Variants in PTBP2 observed in about 807,000 individuals in gnomAD.
The protein encoded by PTBP2 is polypyrimidine tract binding protein 2.
PTBP2 carries 13 observed loss-of-function variants against 61.4 expected under a neutral mutation model. That is an observed-to-expected ratio of 0.21 (90% CI 0.14 to 0.34). The LOEUF (loss-of-function observed/expected upper bound fraction) is 0.34. Among genes scored for constraint, PTBP2 ranks in the 10% least tolerant of loss-of-function variants. The probability of loss-of-function intolerance (pLI) is 1.00; values close to 1 mark genes in which losing one functional copy is unlikely to be tolerated. For missense variants in PTBP2, 405 were observed against 642.6 expected (o/e 0.63, Z 4.00); for synonymous variants, 215 against 218.5 (o/e 0.98, Z 0.14).
intron 2 of PTBP2, among the ~76,000 whole-genome samples, chr1:96,750,599 C>T (rs985411387): frequency 1.3e-5 from 2 of 151,768 alleles, no homozygotes; most frequent in Non-Finnish European, 2.9e-5. Flanking sequence ...TTCATTGCCT[C>T]CTTTGCACAT....
At chr1:96,753,293 A>T (rs183632746) in intron 3 of PTBP2, among the ~76,000 whole-genome samples, 2 of 152,082 alleles carry the variant, frequency 1.3e-5, no homozygotes, top group African/African-American at 4.8e-5. Flanking sequence ...GGGTACTTCA[A>T]ACACTCCATT....
At chr1:96,796,613 G>T (rs1298643625) in intron 8 of PTBP2, among the ~76,000 whole-genome samples, 1 of 152,090 alleles carries the variant, frequency 6.6e-6, no homozygotes, top group Non-Finnish European at 1.5e-5. Context: ...GCATTTGTGG[G>T]GTGTGTGTGT....
rs373690845 is a variant in PTBP2, at chr1:96,795,288, G to A, written c.905-9512G>A. Among the ~76,000 whole-genome samples the A allele has an allele frequency of 7.9e-5, 12 of 152,230 alleles. No individual in the cohort carries two copies. The East Asian group carries it at 1.9e-3, about 25-fold the overall frequency. On this transcript the variant is annotated intron_variant, in intron 8 of 13. Coordinates refer to ENST00000674951, the MANE Select transcript of PTBP2 (RefSeq NM_021190.4). Reference sequence around the variant, plus strand: ...GTAATTATAAATCTAAGCTAGGAACGTAAAATGAGAATGCAAAGTAAGAAA... The same window carrying A: ...GTAATTATAAATCTAAGCTAGGAACATAAAATGAGAATGCAAAGTAAGAAA...
intron 2 of PTBP2, among the ~76,000 whole-genome samples, chr1:96,744,897 T>G (rs1371330965): frequency 1.3e-5 from 2 of 152,182 alleles, no homozygotes; most frequent in East Asian, 3.9e-4. Context: ...ACGTTCTGAT[T>G]GTTATTCTTT....
At chr1:96,737,851 T>C (rs886626282) in intron 2 of PTBP2, among the ~76,000 whole-genome samples, 29 of 152,328 alleles carry the variant, frequency 1.9e-4, no homozygotes, top group African/African-American at 6.7e-4. Flanking sequence ...AGTATTGTTA[T>C]ATATGTTTTC....
At chr1:96,784,026 C>T (rs1003921672) in intron 7 of PTBP2, among the ~76,000 whole-genome samples, 2 of 151,952 alleles carry the variant, frequency 1.3e-5, no homozygotes, top group Non-Finnish European at 2.9e-5. Context: ...GTTTTATATT[C>T]CCAGAGGTGA....
chr1:96,800,230 G>A (rs963250786), intron 8 of PTBP2, among the ~76,000 whole-genome samples: 12 of 152,132 alleles, frequency 7.9e-5, no homozygotes, highest in Admixed American at 3.3e-4. Flanking sequence ...CATTCAGACA[G>A]TGGGGACCTC....
At chr1:96,757,755 T>A (rs547758843) in intron 3 of PTBP2, among the ~76,000 whole-genome samples, 7 of 152,246 alleles carry the variant, frequency 4.6e-5, no homozygotes, top group African/African-American at 1.7e-4. Flanking sequence ...GGAATTAAAT[T>A]AGAAATCAAA....
chr1:96,801,063 A>G (rs916831584), intron 8 of PTBP2, among the ~76,000 whole-genome samples: 5 of 152,176 alleles, frequency 3.3e-5, no homozygotes, highest in Non-Finnish European at 7.4e-5. Context: ...ATCTCAAGAT[A>G]TGAAGCAGTT....
chr1:96,786,843 A>G (rs1408210474), intron 8 of PTBP2, among the ~76,000 whole-genome samples: 5 of 152,176 alleles, frequency 3.3e-5, no homozygotes. Context: ...ATGGACTACA[A>G]TAATCACTTC....
chr1:96,738,168 G>A (rs2100839299), intron 2 of PTBP2, among the ~76,000 whole-genome samples: 1 of 152,228 alleles, frequency 6.6e-6, no homozygotes, highest in African/African-American at 2.4e-5. Flanking sequence ...TCAAATTGTA[G>A]CAAACATCTA....
chr1:96,777,478 T>C (rs1361587332), intron 5 of PTBP2, 107 bp from the exon 6 acceptor site: 2 of 959,410 alleles, frequency 2.1e-6, no homozygotes, highest in Non-Finnish European at 2.9e-6. Context: ...TTTAATTTTG[T>C]TTAATCTGTG....
At chr1:96,748,660 A>T (rs1379524208) in intron 2 of PTBP2, among the ~76,000 whole-genome samples, 2 of 152,178 alleles carry the variant, frequency 1.3e-5, no homozygotes, top group African/African-American at 2.4e-5. Flanking sequence ...TTAATTAAAA[A>T]TTTTTTAAAG....
intron 3 of PTBP2, among the ~76,000 whole-genome samples, chr1:96,762,687 C>T (rs1042145118): frequency 1.3e-5 from 2 of 151,134 alleles, no homozygotes; most frequent in African/African-American, 4.9e-5. Flanking sequence ...CCCCCACCTC[C>T]CTCCTGGATG....
At chr1:96,785,926 A>G (rs960321289) in intron 8 of PTBP2, among the ~76,000 whole-genome samples, 1 of 152,232 alleles carries the variant, frequency 6.6e-6, no homozygotes, top group African/African-American at 2.4e-5. Context: ...AGATGAAGAA[A>G]AAAATAAGGA....
intron 8 of PTBP2, among the ~76,000 whole-genome samples, chr1:96,796,517 C>T (rs1331374080): frequency 6.6e-6 from 1 of 152,054 alleles, no homozygotes; most frequent in Non-Finnish European, 1.5e-5. Flanking sequence ...GGAAAGTAGA[C>T]ATAAGACTCT....
At chr1:96,748,563 C>A (rs191352638) in intron 2 of PTBP2, among the ~76,000 whole-genome samples, 1 of 152,182 alleles carries the variant, frequency 6.6e-6, no homozygotes, top group Admixed American at 6.5e-5. Context: ...AGAAAAGTTT[C>A]TGTGGTCAGA....
chr1:96,739,547 A>C (rs1028968474), intron 2 of PTBP2, among the ~76,000 whole-genome samples: 8 of 151,452 alleles, frequency 5.3e-5, no homozygotes, highest in Non-Finnish European at 7.4e-5. Context: ...GTGGAATTAT[A>C]CAGTATAGGT....
downstream of PTBP2, chr1:96,817,448 T>A (rs1488331068): frequency 6.6e-6 from 1 of 152,132 alleles, no homozygotes; most frequent in Non-Finnish European, 1.5e-5. Context: ...TTTGTTATTT[T>A]GAATAGCTTC....
Sources: allele counts gnomAD v4.1 joint callset (sites outside exome capture counted in the v4.1 genomes callset), GRCh38; gene constraint gnomAD v4.1.1; transcripts MANE v1.5; gene names NCBI Gene and HGNC (gene_info 2026-07-23, HGNC 2026-07-21).